The following GLB1L variants were observed in gnomAD, a reference collection of about 807,000 sequenced individuals.
The protein encoded by GLB1L is beta-galactosidase-1-like protein.
In GLB1L, 58 loss-of-function variants were observed where a neutral mutation model predicts 75.7. That is an observed-to-expected ratio of 0.77 (90% CI 0.62 to 0.95). The LOEUF (loss-of-function observed/expected upper bound fraction) is 0.95. GLB1L is among the 40% of genes least tolerant of loss of function. The probability of loss-of-function intolerance (pLI) is 0.00; values close to 1 mark genes in which losing one functional copy is unlikely to be tolerated. For missense variants in GLB1L, 797 were observed against 805.5 expected, an observed-to-expected ratio of 0.99 and a Z score of 0.13; for synonymous variants, 296 against 303.0, an observed-to-expected ratio of 0.98 and a Z score of 0.24.
At chr2:219,237,460 T>C in intron 16 of GLB1L, 52 bp downstream of exon 16, 1 of 1,606,870 alleles carries the variant, frequency 6.2e-7, no homozygotes, top group Non-Finnish European at 8.5e-7. Context: ...CCTCCTTCTG[T>C]GATTTTTCTC....
chr2:219,240,013 C>G lies in GLB1L; in HGVS notation c.628G>C (p.Gly210Arg). Residue 210 changes from glycine to arginine, a missense_variant, in exon 7 of 17, where the codon GGA becomes CGA. Transcript: ENST00000295759. The stretch of plus-strand genomic sequence containing the variant: ...GTGGTGAAGAGCAAGATCTTTTCTC[C>G]TAGCAGTGCACGGAAGAGCCCAGCC... ...HLAGLFRALL[G>R]EKILLFTTDG... 1 of 1,614,054 alleles carries G rather than the reference C, an allele frequency of 6.2e-7. No homozygotes were observed. The highest frequency in any genetic ancestry group is 8.5e-7 in the Non-Finnish European group (1 of 1,180,020).
At chr2:219,239,345 C>T in intron 10 of GLB1L, 66 bp downstream of exon 10, 1 of 1,526,790 alleles carries the variant, frequency 6.5e-7, no homozygotes, top group Non-Finnish European at 8.9e-7. Context: ...TCCTAATCCA[C>T]CTGGCCCTTA....
At chr2:219,241,086 A>G (rs1458903813) in intron 5 of GLB1L, among the ~76,000 whole-genome samples, 3 of 147,946 alleles carry the variant, frequency 2.0e-5, no homozygotes, top group Non-Finnish European at 4.5e-5. Flanking sequence ...GTCTCAAAAA[A>G]AAATAACAAT....
chr2:219,239,772 C>T lies in GLB1L; in HGVS notation c.780+3G>A, dbSNP rs1951340733. The stretch of plus-strand genomic sequence containing the variant: ...ATTCCCTGACTCCTCTCTGGCCCCT[C>T]ACCAATGGCCCATGGGGTTCATACT... On this transcript the variant is annotated splice_donor_region_variant and intron_variant, in intron 8 of 16. Coordinates refer to ENST00000295759, the MANE Select transcript of GLB1L (RefSeq NM_001286423.2). 3.1e-6 allele frequency: 5 copies of T among 1,614,186 alleles called. No individual in the cohort carries two copies. The East Asian group carries it at 1.1e-4, about 36-fold the overall frequency.
chr2:219,244,130 G>T (rs113825144), intron 1 of GLB1L, among the ~76,000 whole-genome samples: 1,662 of 152,248 alleles, frequency 0.011, 23 homozygotes, highest in South Asian at 0.064. Context: ...GCAACAGAGC[G>T]AGACTCTGTC....
At position 219,238,589 on chromosome 2, in the gene GLB1L, TAG is replaced by T. The variant is rs754331961; in HGVS notation, c.1138-7_1138-6del. The T allele has an allele frequency of 3.2e-5, 52 of 1,611,778 alleles. No individual in the cohort carries two copies. Among genetic ancestry groups the T allele is most frequent in the Non-Finnish European group, 4.1e-5 (48 of 1,178,222 alleles). On this transcript the variant is annotated splice_region_variant and splice_polypyrimidine_tract_variant and intron_variant, in intron 12 of 16. Coordinates refer to ENST00000295759, the MANE Select transcript of GLB1L (RefSeq NM_001286423.2). ...GAAAGCCAGTAAATGCCCAACCTATTAGAATAAGGGAGAAGAATTAGAATATC... is the reference window on the plus strand; with the variant it reads ...GAAAGCCAGTAAATGCCCAACCTATTAATAAGGGAGAAGAATTAGAATATC...
chr2:219,241,436 G>GTATATATATATATATATATATATATATA (rs1382396720), intron 5 of GLB1L, among the ~76,000 whole-genome samples: 2 of 84,316 alleles, frequency 2.4e-5, no homozygotes, highest in East Asian at 5.6e-4. Flanking sequence ...GTGTGTGTGT[G>GTATATATATATATATATATATATATATA]TGTGTGTATA....
chr2:219,245,204 G>C (rs994085628), intron 1 of GLB1L, 25 bp downstream of exon 1: 4 of 152,324 alleles, frequency 2.6e-5, no homozygotes, highest in Admixed American at 6.5e-5. Flanking sequence ...CTGCCCCAGA[G>C]CGCCAGAGGT....
chr2:219,239,505 C>A (rs1311313616), intron 9 of GLB1L, 54 bp from the exon 10 acceptor site: 2 of 1,613,298 alleles, frequency 1.2e-6, no homozygotes, highest in Middle Eastern at 3.3e-4. Context: ...TGAATCTTAA[C>A]TTTCATCCCC....
In GLB1L at chr2:219,241,609, C is replaced by T. The variant is rs1951397243; in HGVS notation, c.451+905G>A. 2.0e-5 allele frequency among the ~76,000 whole-genome samples: 3 copies of T among 151,536 alleles called. 1 individual carries two copies. The highest frequency in any genetic ancestry group is 2.0e-4 in the Admixed American group (3 of 15,164). On this transcript the variant is annotated intron_variant, in intron 5 of 16. Transcript: ENST00000295759. ...AAGGCCTGGTGGGTCTGAAGAACAG[C>T]AATGAGGCCACTGTGGCTGGAGCAG...
At chr2:219,239,367 C>T in intron 10 of GLB1L, 44 bp downstream of exon 10, 1 of 1,555,750 alleles carries the variant, frequency 6.4e-7, no homozygotes, top group East Asian at 2.3e-5. Flanking sequence ...ATTCTAATTC[C>T]TTGTTACCTC....
Position 219,239,766 on chromosome 2 carries a change from G to T in GLB1L, c.780+9C>A. On this transcript the variant is annotated intron_variant, in intron 8 of 16. Coordinates refer to ENST00000295759, the MANE Select transcript of GLB1L (RefSeq NM_001286423.2). ...TCCCTGATTCCCTGACTCCTCTCTGGCCCCTCACCAATGGCCCATGGGGTT... is the reference window on the plus strand; with the variant it reads ...TCCCTGATTCCCTGACTCCTCTCTGTCCCCTCACCAATGGCCCATGGGGTT... The T allele has an allele frequency of 1.9e-6, 3 of 1,614,152 alleles. No homozygotes were observed. The highest frequency in any genetic ancestry group is 2.5e-6 in the Non-Finnish European group (3 of 1,180,024).
rs1376669724 is a variant in GLB1L at position 219,243,168 on chromosome 2, G to T, written c.219C>A (p.Ser73Arg). The T allele has an allele frequency of 1.9e-6, 3 of 1,611,304 alleles. No homozygotes were observed. ...WADRLLKMRW[S>R]GLNAIQFYVP... ...CTTACAACTGTATGGCGTTGAGGCC[G>T]CTCCATCGCATCTTCAAAAGCCGGT... is the stretch of plus-strand genomic sequence containing the variant. Residue 73 changes from serine (S) to arginine (R), a missense_variant, in exon 3 of 17, where the codon AGC becomes AGA. Ser to Arg is a moderately radical substitution (Grantham distance 110, BLOSUM62 -1). Coordinates refer to ENST00000295759, the MANE Select transcript of GLB1L (RefSeq NM_001286423.2).
In GLB1L at chr2:219,243,586, G is replaced by C; in HGVS notation, c.-13C>G. The C allele has an allele frequency of 3.7e-6, 6 of 1,613,682 alleles. No individual in the cohort carries two copies. The highest frequency in any genetic ancestry group is 5.1e-6 in the Non-Finnish European group (6 of 1,179,604). On this transcript the variant is annotated 5_prime_UTR_variant, in exon 2 of 17. Transcript: ENST00000295759. Reference sequence around the variant, plus strand: ...TCTTGGGAGCCATGGCGTTTACAGCGCTCCTCTAGTCTGAGACGGCGGACA... The same window carrying C: ...TCTTGGGAGCCATGGCGTTTACAGCCCTCCTCTAGTCTGAGACGGCGGACA...
chr2:219,243,464 C>T (rs1158429167), intron 2 of GLB1L, 38 bp downstream of exon 2: 2 of 1,611,468 alleles, frequency 1.2e-6, no homozygotes, highest in Non-Finnish European at 1.7e-6. Context: ...TGATCCCGCT[C>T]ACCGCACCCG....
rs1951308772 is a variant in GLB1L at position 219,238,535 on chromosome 2, A to G, written c.1187T>C (p.Ile396Thr). 6.2e-7 allele frequency: 1 copy of G among 1,613,818 alleles called. No homozygotes were observed. The highest frequency in any genetic ancestry group is 8.5e-7 in the Non-Finnish European group (1 of 1,179,802). Residue 396 changes from isoleucine to threonine, a missense_variant, in exon 13 of 17, where the codon ATT (isoleucine) becomes ACT (threonine). Physicochemically the swap from Ile to Thr is moderately conservative, Grantham distance 89. Transcript: ENST00000295759. ...FLDLLCPRGP[I>T]HSILPMTFEA... ...AAAGGTCATTGGCAAGATTGAATGAATGGGCCCACGGGGGCAAAGCAAGTC... is the reference window on the plus strand; with the variant it reads ...AAAGGTCATTGGCAAGATTGAATGAGTGGGCCCACGGGGGCAAAGCAAGTC...
In GLB1L at chr2:219,240,256, T is replaced by C. The variant is rs1411778753; in HGVS notation, c.481A>G (p.Lys161Glu). Reference sequence around the variant, plus strand: ...GGATATATCTTGGGCAGCAAGACCTTGAACCAGGAGTCCACTGCGGCAAGG... The same window carrying C: ...GGATATATCTTGGGCAGCAAGACCTCGAACCAGGAGTCCACTGCGGCAAGG... ...DFLAAVDSWF[K>E]VLLPKIYPWL... Residue 161 changes from lysine (K) to glutamate (E), a missense_variant, in exon 6 of 17, where the codon AAG becomes GAG. Transcript: ENST00000295759. The C allele has an allele frequency of 1.2e-6, 2 of 1,614,212 alleles. No homozygotes were observed. Among genetic ancestry groups the C allele is most frequent in the Non-Finnish European group, 1.7e-6 (2 of 1,180,022 alleles).
intron 1 of GLB1L, among the ~76,000 whole-genome samples, chr2:219,244,187 C>A (rs753108443): frequency 5.9e-5 from 9 of 152,140 alleles, no homozygotes; most frequent in Non-Finnish European, 1.2e-4. Context: ...AATCTCAGAT[C>A]CTACCTCAGA....
At position 219,237,866 on chromosome 2, in the gene GLB1L, A is replaced by G. The variant is rs756552569; in HGVS notation, c.1433T>C (p.Met478Thr). Residue 478 changes from methionine (M) to threonine (T), a missense_variant, in exon 15 of 17, where the codon ATG (methionine) becomes ACG (threonine). By Grantham distance (81) the Met-to-Thr change is moderately conservative. Transcript: ENST00000295759. ...GTTAGACCCAAAGCTGAGCCTCCCCATGTTCTCCACCAAGATATCCAGTTT... is the reference window on the plus strand; with the variant it reads ...GTTAGACCCAAAGCTGAGCCTCCCCGTGTTCTCCACCAAGATATCCAGTTT... ...GSKLDILVEN[M>T]GRLSFGSNSS... 1.2e-6 allele frequency: 2 copies of G among 1,614,138 alleles called. No individual in the cohort carries two copies. Among genetic ancestry groups the G allele is most frequent in the Admixed American group, 3.3e-5 (2 of 60,014 alleles).
Sources: allele counts gnomAD v4.1 joint callset (sites outside exome capture counted in the v4.1 genomes callset), GRCh38; gene constraint gnomAD v4.1.1; transcripts MANE v1.5; gene names NCBI Gene and HGNC (gene_info 2026-07-23, HGNC 2026-07-21).